The following CAP2 variants were observed in gnomAD, a reference collection of about 807,000 sequenced individuals.
The protein encoded by CAP2 is cyclase associated actin cytoskeleton regulatory protein 2.
Under a neutral mutation model 57.7 loss-of-function variants are expected in CAP2, and 24 were observed. The ratio of observed to expected loss-of-function variants is 0.42; its 90% CI spans 0.30 to 0.58. CAP2 has a LOEUF of 0.58. CAP2 is among the 20% of genes least tolerant of loss of function. CAP2 has a pLI of 0.22. For synonymous variants in CAP2, 194 were observed against 207.2 expected (o/e 0.94, Z 0.55); for missense variants, 501 against 590.3 (o/e 0.85, Z 1.57).
At chr6:17,413,522 A>G (rs538826577) in intron 1 of CAP2, among the ~76,000 whole-genome samples, 37 of 152,272 alleles carry the variant, frequency 2.4e-4, no homozygotes, top group African/African-American at 8.4e-4. Context: ...AATCAGCCTT[A>G]GTTTTCTAGA....
chr6:17,547,067 A>G (rs913969619), intron 11 of CAP2, among the ~76,000 whole-genome samples: 33 of 152,196 alleles, frequency 2.2e-4, no homozygotes, highest in Non-Finnish European at 3.7e-4. Context: ...ATCATGAGTG[A>G]ACTCCCATTC....
At chr6:17,528,700 G>T (rs1343234120) in intron 7 of CAP2, among the ~76,000 whole-genome samples, 2 of 152,012 alleles carry the variant, frequency 1.3e-5, no homozygotes, top group African/African-American at 4.8e-5. Context: ...TCATATTTGT[G>T]GGACTGTCTT....
intron 7 of CAP2, among the ~76,000 whole-genome samples, chr6:17,537,376 C>T (rs1273650028): frequency 1.3e-5 from 2 of 152,056 alleles, no homozygotes; most frequent in African/African-American, 4.8e-5. Context: ...TTTGTAGAGA[C>T]AGGGTCTCAC....
chr6:17,495,126 T>C (rs1461758828), intron 4 of CAP2, among the ~76,000 whole-genome samples: 1 of 152,128 alleles, frequency 6.6e-6, no homozygotes, highest in Non-Finnish European at 1.5e-5. Context: ...TTGTCATAAA[T>C]AAATAAATAA....
intron 1 of CAP2, among the ~76,000 whole-genome samples, chr6:17,421,013 A>T (rs187462876): frequency 2.1e-4 from 32 of 152,362 alleles, no homozygotes; most frequent in African/African-American, 7.2e-4. Context: ...TGAATGGATA[A>T]AGAAAATGTG....
chr6:17,553,765 T>A (rs1763227600), intron 12 of CAP2, among the ~76,000 whole-genome samples: 1 of 152,106 alleles, frequency 6.6e-6, no homozygotes, highest in African/African-American at 2.4e-5. Flanking sequence ...TGGGAATGGA[T>A]GGAGGAGATG....
intron 3 of CAP2, among the ~76,000 whole-genome samples, chr6:17,426,973 C>T (rs925311919): frequency 2.6e-5 from 4 of 152,072 alleles, no homozygotes; most frequent in Non-Finnish European, 5.9e-5. Flanking sequence ...GTCTGGGAAA[C>T]AGATGATATA....
intron 3 of CAP2, among the ~76,000 whole-genome samples, chr6:17,455,289 A>C (rs1329286353): frequency 1.3e-5 from 2 of 152,126 alleles, no homozygotes; most frequent in Non-Finnish European, 2.9e-5. Flanking sequence ...TAAGGAAAAA[A>C]AAAAAATGCC....
chr6:17,485,251 TGTTA>T (rs1052664188), intron 4 of CAP2, among the ~76,000 whole-genome samples: 1 of 152,198 alleles, frequency 6.6e-6, no homozygotes, highest in Non-Finnish European at 1.5e-5. Flanking sequence ...TCTTATCACC[TGTTA>T]GTTAATTTTC....
At chr6:17,457,721 A>G (rs1462596214) in intron 3 of CAP2, among the ~76,000 whole-genome samples, 1 of 152,236 alleles carries the variant, frequency 6.6e-6, no homozygotes, top group Non-Finnish European at 1.5e-5. Context: ...ATTTGGAGGA[A>G]GAGACTAATT....
rs1204207554 is a variant in CAP2 at position 17,496,037 on chromosome 6, G to GGGGGT, written c.301-11130_301-11129insGGTGG. 1.8e-4 allele frequency among the ~76,000 whole-genome samples: 24 copies of GGGGGT among 132,366 alleles called. 1 individual carries two copies. The highest frequency in any genetic ancestry group is 6.7e-4 in the African/African-American group (24 of 35,944). The allele number at this position is 132,366 out of a possible 152,430, so 86.8% of individuals were successfully genotyped here. A position where few individuals can be genotyped will look rare whatever the true frequency, so the allele number is the denominator to read the frequency against. On this transcript the variant is annotated intron_variant, in intron 4 of 12. Transcript: ENST00000229922. ...GCATGCGTGTGTGGGTGGGGGGGGG[G>GGGGGT]GGTAAGTCAGGGAAAACAGGCTGCT...
At chr6:17,523,544 C>A (rs1762437008) in intron 7 of CAP2, among the ~76,000 whole-genome samples, 1 of 152,104 alleles carries the variant, frequency 6.6e-6, no homozygotes, top group Non-Finnish European at 1.5e-5. Context: ...AGAGTGAGAT[C>A]AAGGATAAAA....
chr6:17,431,278 G>C (rs1759725433), intron 3 of CAP2, among the ~76,000 whole-genome samples: 1 of 151,914 alleles, frequency 6.6e-6, no homozygotes, highest in Admixed American at 6.6e-5. Flanking sequence ...TAACAAACCT[G>C]TATGTGTACC....
intron 3 of CAP2, among the ~76,000 whole-genome samples, chr6:17,457,963 T>C (rs1760620320): frequency 6.6e-6 from 1 of 152,244 alleles, no homozygotes. Context: ...GCAAGGCTTG[T>C]CATAGATGAG....
chr6:17,394,897 A>G (rs898880754), intron 1 of CAP2, among the ~76,000 whole-genome samples: 11 of 152,188 alleles, frequency 7.2e-5, no homozygotes, highest in African/African-American at 2.4e-4. Context: ...CATGTAATGG[A>G]TAGACAATAA....
At chr6:17,525,975 G>A (rs960722702) in intron 7 of CAP2, among the ~76,000 whole-genome samples, 26 of 152,078 alleles carry the variant, frequency 1.7e-4, no homozygotes, top group African/African-American at 6.3e-4. Context: ...CCTGGTTCTG[G>A]GACAGCAGTG....
intron 7 of CAP2, among the ~76,000 whole-genome samples, chr6:17,529,651 A>T (rs187742015): frequency 0.02 from 2,661 of 134,500 alleles, 33 homozygotes; most frequent in Middle Eastern, 0.026. Context: ...AAAAAAAAAA[A>T]ATATATATAT....
intron 9 of CAP2, 141 bp from the exon 10 acceptor site, chr6:17,542,696 G>A: frequency 1.4e-6 from 1 of 690,470 alleles, no homozygotes. Context: ...AGTAAGACCT[G>A]TGGTTTCATC....
intron 1 of CAP2, among the ~76,000 whole-genome samples, chr6:17,418,512 G>A (rs1388535328): frequency 1.3e-5 from 2 of 152,194 alleles, no homozygotes; most frequent in African/African-American, 4.8e-5. Context: ...GATAGTGCGA[G>A]TTTGGGTCTT....
Sources: gnomAD v4.1 joint callset for allele counts (sites outside exome capture counted in the v4.1 genomes callset) on GRCh38, gnomAD v4.1.1 for gene constraint, MANE v1.5 for transcripts, NCBI Gene and HGNC (gene_info 2026-07-23, HGNC 2026-07-21) for gene names.